The following SPTBN2 variants were observed in gnomAD, a reference collection of about 807,000 sequenced individuals.
SPTBN2 encodes the protein spectrin beta chain, non-erythrocytic 2.
SPTBN2 carries 107 observed loss-of-function variants against 284.2 expected under a neutral mutation model. That is an observed-to-expected ratio of 0.38 (90% CI 0.32 to 0.44). The LOEUF (loss-of-function observed/expected upper bound fraction) is 0.44. Ranked by LOEUF, SPTBN2 falls within the 20% of genes least tolerant of loss-of-function variation. The pLI is 1.00. For synonymous variants in SPTBN2, 1,289 were observed against 1,354.8 expected (o/e 0.95, Z 1.07); for missense variants, 2,569 against 3,287.1 (o/e 0.78, Z 5.34).
upstream of SPTBN2, among the ~76,000 whole-genome samples, chr11:66,732,346 C>T (rs1942819024): frequency 6.6e-6 from 1 of 152,108 alleles, no homozygotes; most frequent in Non-Finnish European, 1.5e-5. Context: ...ACATGGTGTA[C>T]ATAGGAAATG....
In SPTBN2 at chr11:66,687,358, TC is replaced by T; in HGVS notation, c.6722+68del. 6.3e-7 allele frequency: 1 copy of T among 1,578,372 alleles called. No individual in the cohort carries two copies. The highest frequency in any genetic ancestry group is 8.6e-7 in the Non-Finnish European group (1 of 1,160,416). On this transcript the variant is annotated intron_variant, in intron 35 of 37. Coordinates refer to ENST00000533211, the MANE Select transcript of SPTBN2 (RefSeq NM_006946.4). This position sits in a 1 kb window ranked among gnomAD's most constrained non-coding sequence, Gnocchi z 5.2. ...CCCAGAAGATGTACTCTAAAGGGCATCCCTCCCTCTATCTGGGCAGAGGCTC... is the reference window on the plus strand; with the variant it reads ...CCCAGAAGATGTACTCTAAAGGGCATCCTCCCTCTATCTGGGCAGAGGCTC...
chr11:66,743,820 G>A (rs1942924169), intron 1 of SPTBN2, among the ~76,000 whole-genome samples: 1 of 152,188 alleles, frequency 6.6e-6, no homozygotes, highest in Non-Finnish European at 1.5e-5. Flanking sequence ...GGATTAGGCT[G>A]GGAGATGCTT....
chr11:66,686,227 A>G, intron 37 of SPTBN2, 123 bp from the exon 38 acceptor site: 2 of 1,382,162 alleles, frequency 1.4e-6, no homozygotes, highest in Non-Finnish European at 2.1e-6. Flanking sequence ...CTATTAGGAG[A>G]ATGTGGCCGG....
At position 66,742,669 on chromosome 11, in the gene SPTBN2, G is replaced by A. The variant is rs189872829; in HGVS notation, c.-475+1873C>T. On this transcript the variant is annotated intron_variant, in intron 1 of 37. Transcript: ENST00000611817. ...CTGTCAGCCGGGCTAGAGTGCAGTG[G>A]TGTGATGTCAGCTCACTGCAACCTC... Among the ~76,000 whole-genome samples, 29 of 152,078 alleles carry A rather than the reference G, an allele frequency of 1.9e-4. No homozygotes were observed. The East Asian group carries it at 5.2e-3, about 27-fold the overall frequency.
At position 66,684,903 on chromosome 11, in the gene SPTBN2, C is replaced by T. The variant is rs1349677718; in HGVS notation, c.*968G>A. 6.6e-6 allele frequency among the ~76,000 whole-genome samples: 1 copy of T among 152,182 alleles called. No individual in the cohort carries two copies. The highest frequency in any genetic ancestry group is 1.5e-5 in the Non-Finnish European group (1 of 68,036). On this transcript the variant is annotated 3_prime_UTR_variant, in exon 38 of 38. Transcript: ENST00000533211. ...TGGCTGGGGCTGTAGCAATGCTTCC[C>T]AGTCTTCCAATTTGAAAACAGTTTA... is the stretch of plus-strand genomic sequence containing the variant.
rs1337302943 is a variant in SPTBN2, at chr11:66,705,311, G to A, written c.1965C>T (p.Ala655=). The A allele has an allele frequency of 6.2e-7, 1 of 1,607,390 alleles. No individual in the cohort carries two copies. The highest frequency in any genetic ancestry group is 8.5e-7 in the Non-Finnish European group (1 of 1,179,354). Residue 655 remains alanine, a synonymous_variant, in exon 15 of 38, where the codon GCC becomes GCT. Coordinates refer to ENST00000533211, the MANE Select transcript of SPTBN2 (RefSeq NM_006946.4). Reference sequence around the variant, plus strand: ...GGAGGTGCTGCTGCTCCCGCACCCAGGCCTCAGCTTCACCCACCTCCCAGA... The same window carrying A: ...GGAGGTGCTGCTGCTCCCGCACCCAAGCCTCAGCTTCACCCACCTCCCAGA... The part of the protein sequence containing the change: ...RFLWEVGEAE[A]WVREQQHLLA...
intron 15 of SPTBN2, among the ~76,000 whole-genome samples, chr11:66,704,303 G>T (rs1000482048): frequency 6.6e-6 from 1 of 152,132 alleles, no homozygotes; most frequent in African/African-American, 2.4e-5. Flanking sequence ...GGCACACCCT[G>T]AAGAAGGTAG....
chr11:66,738,092 A>G (rs547796809), intron 1 of SPTBN2, among the ~76,000 whole-genome samples: 10 of 152,176 alleles, frequency 6.6e-5, no homozygotes, highest in African/African-American at 2.4e-4. Flanking sequence ...GCAAATGCCT[A>G]TAATCCCAGC....
Position 66,705,347 on chromosome 11 carries a change from G to A in SPTBN2, c.1929C>T (p.Leu643=). 6.2e-7 allele frequency: 1 copy of A among 1,611,372 alleles called. No individual in the cohort carries two copies. Among genetic ancestry groups the A allele is most frequent in the Middle Eastern group, 1.6e-4 (1 of 6,062 alleles). ...RRARLEESRR[L]WRFLWEVGEA... ...CACCCACCTCCCAGAGGAAACGCCAGAGCCGCCGTGATTCCTCCAGCCGGG... is the reference window on the plus strand; with the variant it reads ...CACCCACCTCCCAGAGGAAACGCCAAAGCCGCCGTGATTCCTCCAGCCGGG... Residue 643 remains leucine, a synonymous_variant, in exon 15 of 38, where the codon CTC becomes CTT. Transcript: ENST00000533211.
rs763188900 is a variant in SPTBN2, at chr11:66,690,141, A to G, written c.5708T>C (p.Leu1903Pro). 1 of 1,614,254 alleles carries G rather than the reference A, an allele frequency of 6.2e-7. No individual in the cohort carries two copies. The highest frequency in any genetic ancestry group is 1.7e-5 in the Admixed American group (1 of 60,030). Residue 1903 changes from leucine (L) to proline (P), a missense_variant, in exon 28 of 38, where the codon CTG becomes CCG. By Grantham distance (98) the Leu-to-Pro change is moderately conservative. Around this residue, in one of 6 missense-constraint regions of SPTBN2, gnomAD observed 1,130 missense variants for 1,317.3 expected, o/e 0.86. Coordinates refer to ENST00000533211, the MANE Select transcript of SPTBN2 (RefSeq NM_006946.4). ...QGSSAARRQL[L>P]LDTTDKFRFF... Reference sequence around the variant, plus strand: ...GCGGAACTTGTCTGTGGTGTCCAGCAGCAGCTGCCGGCGGGCGGCAGAGCT... The same window carrying G: ...GCGGAACTTGTCTGTGGTGTCCAGCGGCAGCTGCCGGCGGGCGGCAGAGCT...
At chr11:66,696,031 C>T (rs1249366835) in intron 21 of SPTBN2, among the ~76,000 whole-genome samples, 3 of 152,198 alleles carry the variant, frequency 2.0e-5, no homozygotes, top group Non-Finnish European at 4.4e-5. Flanking sequence ...GCCACTGTGC[C>T]TGGCCTAATT....
Position 66,715,097 on chromosome 11 carries a change from G to A in SPTBN2, c.483+125C>T. On this transcript the variant is annotated intron_variant, in intron 5 of 37. Coordinates refer to ENST00000533211, the MANE Select transcript of SPTBN2 (RefSeq NM_006946.4). This position sits in a 1 kb window ranked among gnomAD's most constrained non-coding sequence, Gnocchi z 5.3. The stretch of plus-strand genomic sequence containing the variant: ...CTGGTGCTTGGATAGCGCCGCCATG[G>A]CAGCTGCTACATAAGGTTCTAGATC... 1 of 1,255,544 alleles carries A rather than the reference G, an allele frequency of 8.0e-7. No homozygotes were observed. The highest frequency in any genetic ancestry group is 1.1e-6 in the Non-Finnish European group (1 of 879,410). 77.8% of individuals were successfully genotyped at this position (1,255,544 alleles called of 1,614,324 possible).
At chr11:66,717,183 T>A (rs1326015727) in intron 3 of SPTBN2, among the ~76,000 whole-genome samples, 1 of 151,960 alleles carries the variant, frequency 6.6e-6, no homozygotes, top group Admixed American at 6.6e-5. Context: ...GGCAATGCCC[T>A]GCTGCCCAGC....
chr11:66,699,746 G>A, intron 17 of SPTBN2, 138 bp from the exon 18 acceptor site: 3 of 892,794 alleles, frequency 3.4e-6, no homozygotes, highest in South Asian at 2.7e-5. Context: ...TCTGAAGACA[G>A]GGAGGCTGCC....
chr11:66,702,354 CG>C (rs1267615947), intron 15 of SPTBN2, among the ~76,000 whole-genome samples: 1 of 151,982 alleles, frequency 6.6e-6, no homozygotes, highest in Non-Finnish European at 1.5e-5. Flanking sequence ...TTGGTGGAGA[CG>C]GGTGTTTCAC....
upstream of SPTBN2, among the ~76,000 whole-genome samples, chr11:66,733,835 G>A (rs1590997673): frequency 1.3e-5 from 2 of 152,030 alleles, no homozygotes; most frequent in African/African-American, 2.4e-5. Context: ...AAAATTAGCC[G>A]GGCGCGGTGG....
At chr11:66,694,068 G>A in intron 22 of SPTBN2, 71 bp downstream of exon 22, 1 of 1,560,350 alleles carries the variant, frequency 6.4e-7, no homozygotes, top group Non-Finnish European at 8.7e-7. Context: ...GCATCTCCCT[G>A]GCATCCAGGA....
At position 66,707,853 on chromosome 11, in the gene SPTBN2, CA is replaced by C. The variant is rs1941649630; in HGVS notation, c.1351-36del. ...GGGCAGGGAGAGGAGGTGTGGGGACCAAGGGACAGTGCCTCTGCCTGCTCCT... is the reference window on the plus strand; with the variant it reads ...GGGCAGGGAGAGGAGGTGTGGGGACCAGGGACAGTGCCTCTGCCTGCTCCT... On this transcript the variant is annotated intron_variant, in intron 12 of 37. Transcript: ENST00000533211. This position sits in a 1 kb window ranked among gnomAD's most constrained non-coding sequence, Gnocchi z 4.9. The C allele has an allele frequency of 6.2e-7, 1 of 1,602,052 alleles. No individual in the cohort carries two copies. The highest frequency in any genetic ancestry group is 1.7e-5 in the Admixed American group (1 of 59,864).
At position 66,711,119 on chromosome 11, in the gene SPTBN2, C is replaced by T. The variant is rs570749886; in HGVS notation, c.773-90G>A. The T allele has an allele frequency of 8.3e-5, 83 of 995,558 alleles. No individual in the cohort carries two copies. In the African/African-American group the frequency reaches 9.8e-4, roughly 12 times the overall value. 61.7% of individuals were successfully genotyped at this position (995,558 alleles called of 1,614,324 possible). A position where few individuals can be genotyped will look rare whatever the true frequency, so the allele number is the denominator to read the frequency against. ...CCAAACCCTGGGCCTGCCCAGTCCTCCAAGGCTGACATCTCTCCATCTCCT... is the reference window on the plus strand; with the variant it reads ...CCAAACCCTGGGCCTGCCCAGTCCTTCAAGGCTGACATCTCTCCATCTCCT... On this transcript the variant is annotated intron_variant, in intron 8 of 37. Transcript: ENST00000533211.
Sources: allele counts gnomAD v4.1 joint callset (sites outside exome capture counted in the v4.1 genomes callset), GRCh38; gene constraint gnomAD v4.1.1; regional missense constraint gnomAD v4.1.1; non-coding constraint Gnocchi (gnomAD v3.1); transcripts MANE v1.5; gene names NCBI Gene and HGNC (gene_info 2026-07-23, HGNC 2026-07-21).